Variants in WWOX observed in about 807,000 individuals in gnomAD.
The protein encoded by WWOX is WW domain containing oxidoreductase, also known as WW domain-containing oxidoreductase.
Under a neutral mutation model 46.2 loss-of-function variants are expected in WWOX, and 69 were observed. The observed-to-expected ratio is 1.49, with a 90% CI of 1.23 to 1.82. WWOX has a LOEUF of 1.82. Among genes scored for constraint, WWOX ranks in the 40% most tolerant of loss-of-function variants. WWOX has a pLI of 0.00. For synonymous variants in WWOX, 359 were observed against 202.6 expected, an observed-to-expected ratio of 1.77 and a Z score of -6.56; for missense variants, 919 against 542.6, an observed-to-expected ratio of 1.69 and a Z score of -6.89.
chr16:78,471,716 A>C (rs2084226588), intron 8 of WWOX, among the ~76,000 whole-genome samples: 1 of 152,220 alleles, frequency 6.6e-6, no homozygotes, highest in African/African-American at 2.4e-5. Context: ...AAAATATATA[A>C]GCAATAGTCC....
intron 8 of WWOX, among the ~76,000 whole-genome samples, chr16:78,594,140 A>G (rs2045419244): frequency 6.6e-6 from 1 of 152,034 alleles, no homozygotes; most frequent in Non-Finnish European, 1.5e-5. Context: ...CTGGCTTATT[A>G]ATGCCCATCC....
chr16:78,468,271 T>A (rs1180276385), intron 8 of WWOX, among the ~76,000 whole-genome samples: 1 of 151,778 alleles, frequency 6.6e-6, no homozygotes, highest in African/African-American at 2.4e-5. Context: ...TTTCTTTTTT[T>A]TTTTTTTTTT....
Position 78,099,838 on chromosome 16 carries a change from G to T in WWOX, c.60G>T (p.Pro20=). The T allele has an allele frequency of 1.3e-6, 2 of 1,582,228 alleles. No individual in the cohort carries two copies. The highest frequency in any genetic ancestry group is 2.3e-5 in the East Asian group (1 of 42,862). Residue 20 remains proline, a synonymous_variant, in exon 1 of 9, where the codon CCG becomes CCT. Coordinates refer to ENST00000566780, the MANE Select transcript of WWOX (RefSeq NM_016373.4). The part of the protein sequence containing the change: ...DDTDSEDELP[P]GWEERTTKDG... ...CGGACAGTGAGGACGAGCTGCCTCC[G>T]GGCTGGGAGGAGAGAACCACCAAGG...
At chr16:78,586,835 T>C (rs750940663) in intron 8 of WWOX, among the ~76,000 whole-genome samples, 1 of 152,140 alleles carries the variant, frequency 6.6e-6, no homozygotes, top group Non-Finnish European at 1.5e-5. Flanking sequence ...AATTTCAGAC[T>C]CAGGTTTGTT....
intron 8 of WWOX, among the ~76,000 whole-genome samples, chr16:78,842,574 A>G (rs1192924764): frequency 1.3e-5 from 2 of 152,188 alleles, no homozygotes; most frequent in African/African-American, 2.4e-5. Context: ...TACATAGAAT[A>G]CAAGAGGAGT....
intron 8 of WWOX, among the ~76,000 whole-genome samples, chr16:78,983,386 G>T (rs968740485): frequency 6.6e-6 from 1 of 152,070 alleles, no homozygotes; most frequent in Non-Finnish European, 1.5e-5. Context: ...CATTCTCCTT[G>T]GATAGGATGG....
chr16:78,224,578 A>G (rs974871379), intron 5 of WWOX, among the ~76,000 whole-genome samples: 19 of 152,132 alleles, frequency 1.2e-4, no homozygotes, highest in African/African-American at 4.3e-4. Context: ...CTGTTGTTGG[A>G]CATACAGGTT....
intron 5 of WWOX, among the ~76,000 whole-genome samples, chr16:78,261,815 T>TATAC (rs2151837798): frequency 1.4e-5 from 2 of 146,704 alleles, no homozygotes; most frequent in African/African-American, 2.5e-5. Flanking sequence ...TATATATATA[T>TATAC]ATACTTATAA....
intron 8 of WWOX, among the ~76,000 whole-genome samples, chr16:79,198,101 G>A (rs1189859031): frequency 6.6e-6 from 1 of 151,766 alleles, no homozygotes; most frequent in South Asian, 2.1e-4. Context: ...AAGACAGGTG[G>A]ATCACCTGAG....
chr16:78,540,030 A>ACACT (rs1567631084), intron 8 of WWOX, among the ~76,000 whole-genome samples: 1 of 149,958 alleles, frequency 6.7e-6, no homozygotes, highest in South Asian at 2.1e-4. Context: ...TCACACACAC[A>ACACT]CACACACACA....
chr16:79,164,026 C>G (rs1022805805), intron 8 of WWOX, among the ~76,000 whole-genome samples: 1 of 152,116 alleles, frequency 6.6e-6, no homozygotes, highest in Admixed American at 6.5e-5. Context: ...TAAACATAGA[C>G]TTTAGGCATA....
intron 8 of WWOX, among the ~76,000 whole-genome samples, chr16:78,956,964 G>A (rs1411818746): frequency 6.6e-6 from 1 of 152,172 alleles, no homozygotes. Flanking sequence ...CTCCCAGTAC[G>A]TGGGTATCTT....
At position 78,099,750 on chromosome 16, in the gene WWOX, AG is replaced by A. The variant is rs1327203532; in HGVS notation, c.-23del. On this transcript the variant is annotated 5_prime_UTR_variant, in exon 1 of 9. Coordinates refer to ENST00000566780, the MANE Select transcript of WWOX (RefSeq NM_016373.4). Reference sequence around the variant, plus strand: ...GCGAGTGGACCCGGCAGCGGGCGATAGGGGGGCCAGGTGCCTCCACAGTCAG... The same window carrying A: ...GCGAGTGGACCCGGCAGCGGGCGATAGGGGGCCAGGTGCCTCCACAGTCAG... 2.1e-5 allele frequency: 32 copies of A among 1,521,564 alleles called. No homozygotes were observed. The highest frequency in any genetic ancestry group is 4.4e-5 in the Admixed American group (2 of 45,344). 94.3% of individuals were successfully genotyped at this position (1,521,564 alleles called of 1,614,324 possible).
intron 8 of WWOX, among the ~76,000 whole-genome samples, chr16:78,680,861 A>C (rs559936225): frequency 6.6e-6 from 1 of 152,282 alleles, no homozygotes; most frequent in South Asian, 2.1e-4. Flanking sequence ...CTGTAATCCT[A>C]GCACTTTGGG....
chr16:78,564,553 G>A (rs2044518772), intron 8 of WWOX, among the ~76,000 whole-genome samples: 1 of 152,140 alleles, frequency 6.6e-6, no homozygotes, highest in Non-Finnish European at 1.5e-5. Flanking sequence ...AGAGAACCCA[G>A]GAGACCTTTC....
chr16:78,664,425 G>T (rs371053655), intron 8 of WWOX, among the ~76,000 whole-genome samples: 1 of 152,170 alleles, frequency 6.6e-6, no homozygotes, highest in South Asian at 2.1e-4. Context: ...GCTCCTGGCT[G>T]CTGTGGCTGC....
At chr16:78,622,196 C>T (rs2046205916) in intron 8 of WWOX, among the ~76,000 whole-genome samples, 2 of 152,106 alleles carry the variant, frequency 1.3e-5, no homozygotes, top group African/African-American at 2.4e-5. Flanking sequence ...TTCTCTCCTG[C>T]ACCAAGTTTC....
intron 8 of WWOX, among the ~76,000 whole-genome samples, chr16:78,838,157 T>G (rs2052042261): frequency 6.6e-6 from 1 of 152,126 alleles, no homozygotes; most frequent in Non-Finnish European, 1.5e-5. Flanking sequence ...GCATGCACAT[T>G]GGAAGGTAGC....
rs374030533 is a variant in WWOX, at chr16:78,514,256, C to A, written c.1056+81504C>A. Among the ~76,000 whole-genome samples, 14 of 152,176 alleles carry A rather than the reference C, an allele frequency of 9.2e-5. No homozygotes were observed. The East Asian group carries it at 1.7e-3, about 19-fold the overall frequency. On this transcript the variant is annotated intron_variant, in intron 8 of 8. Coordinates refer to ENST00000566780, the MANE Select transcript of WWOX (RefSeq NM_016373.4). ...ATCTTTCCTCCCACACTTGCTTTGA[C>A]TCCCTCCTTTAGTAATTAGATAATT...
Sources: allele counts gnomAD v4.1 joint callset (sites outside exome capture counted in the v4.1 genomes callset), GRCh38; gene constraint gnomAD v4.1.1; transcripts MANE v1.5; gene names NCBI Gene and HGNC (gene_info 2026-07-23, HGNC 2026-07-21).